The following MMS22L variants were observed in gnomAD, a reference collection of about 807,000 sequenced individuals.
MMS22L encodes the protein MMS22 like, DNA repair protein.
In MMS22L, 74 loss-of-function variants were observed where a neutral mutation model predicts 159.1. The ratio of observed to expected loss-of-function variants is 0.47; its 90% CI spans 0.39 to 0.56. MMS22L has a LOEUF of 0.56. Among genes scored for constraint, MMS22L ranks in the 20% least tolerant of loss-of-function variants. The probability of loss-of-function intolerance (pLI) is 0.00; values close to 1 mark genes in which losing one functional copy is unlikely to be tolerated. For synonymous variants in MMS22L, 517 were observed against 506.9 expected, an observed-to-expected ratio of 1.02 and a Z score of -0.27; for missense variants, 1,351 against 1,422.1, an observed-to-expected ratio of 0.95 and a Z score of 0.80.
intron 10 of MMS22L, among the ~76,000 whole-genome samples, chr6:97,250,553 T>C (rs1422288414): frequency 6.6e-6 from 1 of 152,144 alleles, no homozygotes; most frequent in African/African-American, 2.4e-5. Flanking sequence ...AGTAACCCAC[T>C]CTCATCTTGT....
chr6:97,167,973 A>G, intron 20 of MMS22L, 98 bp downstream of exon 20: 1 of 1,007,546 alleles, frequency 9.9e-7, no homozygotes, highest in African/African-American at 1.6e-5. Flanking sequence ...TTGAGATTAT[A>G]ATGTACAGTT....
At chr6:97,200,431 G>A (rs1353900624) in intron 14 of MMS22L, among the ~76,000 whole-genome samples, 1 of 152,034 alleles carries the variant, frequency 6.6e-6, no homozygotes, top group Non-Finnish European at 1.5e-5. Flanking sequence ...CATTATTAGG[G>A]CTGAGAGCCT....
intron 10 of MMS22L, among the ~76,000 whole-genome samples, chr6:97,252,670 A>C (rs1488277925): frequency 6.6e-6 from 1 of 151,892 alleles, no homozygotes; most frequent in African/African-American, 2.4e-5. Context: ...AAGTAGTACA[A>C]TCTATTTCAT....
intron 13 of MMS22L, chr6:97,231,216 C>G: frequency 2.0e-6 from 1 of 504,248 alleles, no homozygotes; most frequent in East Asian, 3.3e-5. Context: ...TCAAAGAACA[C>G]AAAAGTTTTA....
At chr6:97,209,019 G>A (rs1808089204) in intron 14 of MMS22L, among the ~76,000 whole-genome samples, 1 of 151,740 alleles carries the variant, frequency 6.6e-6, no homozygotes. Flanking sequence ...CTTTCAAGAG[G>A]CTCTCCCTAC....
chr6:97,233,892 G>T lies in MMS22L; in HGVS notation c.1271C>A (p.Thr424Asn). The T allele has an allele frequency of 6.2e-7, 1 of 1,608,052 alleles. No individual in the cohort carries two copies. The highest frequency in any genetic ancestry group is 8.5e-7 in the Non-Finnish European group (1 of 1,177,386). ...CTTACTATAATATTCCCATAAAATG[G>T]TAACAATTGCAATGTTTGGCTCCCA... ...DFWEPNIAIV[T>N]ILWEYYSKNL... is the part of the protein sequence containing the mutation. Residue 424 changes from threonine to asparagine, a missense_variant, in exon 12 of 25, where the codon ACC becomes AAC. By Grantham distance (65) the Thr-to-Asn change is moderately conservative. Transcript: ENST00000683635.
chr6:97,226,869 A>G (rs1241511400), intron 14 of MMS22L, among the ~76,000 whole-genome samples: 1 of 152,094 alleles, frequency 6.6e-6, no homozygotes, highest in African/African-American at 2.4e-5. Context: ...TAGAGTGTTT[A>G]GCAGCATTTC....
At chr6:97,167,629 CAT>C (rs1381621013) in intron 20 of MMS22L, among the ~76,000 whole-genome samples, 2 of 152,122 alleles carry the variant, frequency 1.3e-5, no homozygotes, top group Admixed American at 6.6e-5. Context: ...TGGCTCCTCC[CAT>C]ATGACTCTCC....
Position 97,234,885 on chromosome 6 carries a change from A to AGAGAAAAT in MMS22L, c.1183-913_1183-906dup, listed in dbSNP as rs1389244890. On this transcript the variant is annotated intron_variant, in intron 11 of 24. Transcript: ENST00000683635. ...GACTTGGAAGAAAAACATTCAAGGC[A>AGAGAAAAT]GAGAAAATGAGTGGAAAGTTCCTCA... 5.9e-5 allele frequency among the ~76,000 whole-genome samples: 9 copies of AGAGAAAAT among 152,378 alleles called. No individual in the cohort carries two copies. In the East Asian group the frequency reaches 1.7e-3, roughly 29 times the overall value.
chr6:97,151,737 A>G (rs368686197), intron 23 of MMS22L, 34 bp downstream of exon 23: 50 of 1,537,208 alleles, frequency 3.3e-5, no homozygotes, highest in Non-Finnish European at 4.2e-5. Flanking sequence ...GGCTGGCAAT[A>G]GTTTCCTTGC....
intron 14 of MMS22L, 116 bp downstream of exon 14, chr6:97,228,778 C>T: frequency 2.0e-6 from 2 of 989,888 alleles, no homozygotes; most frequent in African/African-American, 3.3e-5. Flanking sequence ...AATCCTTCCT[C>T]TACATTTGGA....
chr6:97,269,197 A>G (rs1815474157), intron 7 of MMS22L, among the ~76,000 whole-genome samples: 1 of 152,134 alleles, frequency 6.6e-6, no homozygotes, highest in Admixed American at 6.6e-5. Flanking sequence ...AAGAAATTGC[A>G]GATAAAAAAA....
At chr6:97,215,665 A>G (rs1289961585) in intron 14 of MMS22L, among the ~76,000 whole-genome samples, 1 of 152,150 alleles carries the variant, frequency 6.6e-6, no homozygotes, top group Non-Finnish European at 1.5e-5. Context: ...GACACTGCTC[A>G]TCAAGCAGTA....
intron 19 of MMS22L, among the ~76,000 whole-genome samples, chr6:97,170,185 AGTG>A (rs1011295594): frequency 2.7e-4 from 41 of 152,162 alleles, no homozygotes; most frequent in Non-Finnish European, 5.3e-4. Context: ...GGCATCCACT[AGTG>A]GTGTTGAACA....
chr6:97,158,921 A>T (rs1313560938), intron 22 of MMS22L, among the ~76,000 whole-genome samples: 1 of 152,048 alleles, frequency 6.6e-6, no homozygotes, highest in African/African-American at 2.4e-5. Context: ...AAAGTCTCCC[A>T]CTATTATTGT....
chr6:97,205,571 C>T (rs1266541132), intron 14 of MMS22L, among the ~76,000 whole-genome samples: 1 of 152,094 alleles, frequency 6.6e-6, no homozygotes, highest in Non-Finnish European at 1.5e-5. Context: ...CTCCTGAGAC[C>T]CACTGTGTCT....
chr6:97,177,660 A>G (rs1804262340), intron 18 of MMS22L, among the ~76,000 whole-genome samples: 1 of 152,154 alleles, frequency 6.6e-6, no homozygotes, highest in Admixed American at 6.6e-5. Flanking sequence ...TTACATCTGC[A>G]TTTACTATTA....
chr6:97,158,755 T>C (rs1257832563), intron 22 of MMS22L, among the ~76,000 whole-genome samples: 1 of 152,156 alleles, frequency 6.6e-6, no homozygotes, highest in East Asian at 1.9e-4. Flanking sequence ...TTAGAATAAG[T>C]GCGATGTGGT....
At chr6:97,151,337 CAG>C (rs1274579150) in intron 23 of MMS22L, among the ~76,000 whole-genome samples, 1 of 152,192 alleles carries the variant, frequency 6.6e-6, no homozygotes, top group African/African-American at 2.4e-5. Flanking sequence ...GCATTCAGTG[CAG>C]AGACATGTTA....
Sources: allele counts gnomAD v4.1 joint callset (sites outside exome capture counted in the v4.1 genomes callset), GRCh38; gene constraint gnomAD v4.1.1; transcripts MANE v1.5; gene names NCBI Gene and HGNC (gene_info 2026-07-23, HGNC 2026-07-21).